CCL28: variants seen among roughly 807,000 people sequenced by gnomAD.
CCL28 encodes the protein C-C motif chemokine ligand 28.
Under a neutral mutation model 7.1 loss-of-function variants are expected in CCL28, and 4 were observed. The ratio of observed to expected loss-of-function variants is 0.56; its 90% CI spans 0.28 to 1.29. CCL28 has a LOEUF of 1.29. CCL28 is among the 50% of genes most tolerant of loss of function. The probability of loss-of-function intolerance (pLI) is 0.11; values close to 1 mark genes in which losing one functional copy is unlikely to be tolerated. For synonymous variants in CCL28, 55 were observed against 57.8 expected (o/e 0.95, Z 0.22); for missense variants, 151 against 163.4 (o/e 0.92, Z 0.41).
chr5:43,392,457 C>A (rs1457132837), intron 1 of CCL28, among the ~76,000 whole-genome samples: 1 of 152,134 alleles, frequency 6.6e-6, no homozygotes, highest in Non-Finnish European at 1.5e-5. Flanking sequence ...GATGTTGATA[C>A]TGCTAGTCCT....
intron 1 of CCL28, among the ~76,000 whole-genome samples, chr5:43,409,228 C>T (rs986328563): frequency 6.6e-6 from 1 of 152,118 alleles, no homozygotes; most frequent in Admixed American, 6.6e-5. Flanking sequence ...GAGTTTGAGA[C>T]CAGCCTGGCC....
At chr5:43,365,696 T>C in the CCL28 span, among the ~76,000 whole-genome samples, 2 of 152,218 alleles carry the variant, frequency 1.3e-5, no homozygotes, top group African/African-American at 4.8e-5. Flanking sequence ...TGAACTTGAA[T>C]GTTGTCCTGT....
At position 43,381,666 on chromosome 5, in the gene CCL28, A is replaced by C; in HGVS notation, c.*194T>G. 1.8e-6 allele frequency: 1 copy of C among 544,206 alleles called. No homozygotes were observed. Among genetic ancestry groups the C allele is most frequent in the Non-Finnish European group, 3.2e-6 (1 of 308,126 alleles). 33.7% of individuals were successfully genotyped at this position (544,206 alleles called of 1,614,324 possible). On this transcript the variant is annotated 3_prime_UTR_variant, in exon 3 of 3. Transcript: ENST00000361115. ...TGAACCACCATACCCAGCCAGTATT[A>C]TCTTTTCATTTCATTTTCCAGTTGA...
intron 1 of CCL28, among the ~76,000 whole-genome samples, chr5:43,394,781 C>T (rs1238571340): frequency 6.6e-6 from 1 of 152,092 alleles, no homozygotes; most frequent in African/African-American, 2.4e-5. Context: ...CTTTTAAAAT[C>T]TGTTACTTTG....
At chr5:43,363,694 C>T in the CCL28 span, among the ~76,000 whole-genome samples, 3 of 152,232 alleles carry the variant, frequency 2.0e-5, no homozygotes, top group African/African-American at 7.2e-5. Context: ...GGGGTTTACC[C>T]TGACAGGTTT....
chr5:43,399,529 G>A (rs374525791), intron 1 of CCL28, among the ~76,000 whole-genome samples: 3 of 152,178 alleles, frequency 2.0e-5, no homozygotes, highest in African/African-American at 7.2e-5. Flanking sequence ...TCTGGTATTA[G>A]TGCTAAAAAA....
chr5:43,412,201 G>C, intron 1 of CCL28, 52 bp downstream of exon 1: 1 of 1,471,416 alleles, frequency 6.8e-7, no homozygotes, highest in South Asian at 1.2e-5. Context: ...CACAGATTTG[G>C]GAGATACCCC....
intron 1 of CCL28, among the ~76,000 whole-genome samples, chr5:43,408,494 T>TG (rs1741395004): frequency 2.0e-5 from 3 of 151,848 alleles, no homozygotes; most frequent in Admixed American, 2.0e-4. Context: ...TGTCGTAAGG[T>TG]GGGGGGAGCG....
At chr5:43,396,862 A>T (rs1393697185) in intron 1 of CCL28, among the ~76,000 whole-genome samples, 1 of 152,198 alleles carries the variant, frequency 6.6e-6, no homozygotes, top group Non-Finnish European at 1.5e-5. Context: ...GTGGACCAGG[A>T]GAGACTGAAG....
downstream of CCL28, among the ~76,000 whole-genome samples, chr5:43,373,164 CAT>C (rs1340484447): frequency 1.3e-5 from 2 of 152,146 alleles, no homozygotes. Flanking sequence ...TTAATACCCA[CAT>C]GTGGAATTTC....
At chr5:43,411,949 G>A (rs999656509) in intron 1 of CCL28, among the ~76,000 whole-genome samples, 6 of 152,196 alleles carry the variant, frequency 3.9e-5, no homozygotes, top group African/African-American at 1.2e-4. Context: ...CCTCTAGCTG[G>A]GGATTTTCTA....
chr5:43,408,586 T>C (rs1216886282), intron 1 of CCL28, among the ~76,000 whole-genome samples: 1 of 152,136 alleles, frequency 6.6e-6, no homozygotes, highest in Non-Finnish European at 1.5e-5. Flanking sequence ...CATGTATACA[T>C]ATGTAACAAA....
the CCL28 span, among the ~76,000 whole-genome samples, chr5:43,361,643 T>G: frequency 6.6e-6 from 1 of 152,196 alleles, no homozygotes; most frequent in Non-Finnish European, 1.5e-5. Context: ...TAAGTCTTAA[T>G]CCATCTTGAG....
the CCL28 span, among the ~76,000 whole-genome samples, chr5:43,367,787 C>T: frequency 2.0e-5 from 3 of 152,140 alleles, no homozygotes; most frequent in Middle Eastern, 3.2e-3. Flanking sequence ...TTGCTGGGAG[C>T]TGCAGGCCCT....
At chr5:43,412,084 G>A (rs569049578) in intron 1 of CCL28, among the ~76,000 whole-genome samples, 169 bp downstream of exon 1, 3 of 152,330 alleles carry the variant, frequency 2.0e-5, no homozygotes, top group Non-Finnish European at 2.9e-5. Flanking sequence ...AAACTTCTGG[G>A]AGATCTAGAA....
the CCL28 span, among the ~76,000 whole-genome samples, chr5:43,358,607 T>A: frequency 5.1e-4 from 78 of 152,128 alleles, no homozygotes; most frequent in Non-Finnish European, 8.5e-4. Context: ...ACCATTGGTC[T>A]TCAATAAATT....
At chr5:43,406,917 T>A (rs1052115131) in intron 1 of CCL28, among the ~76,000 whole-genome samples, 5 of 152,108 alleles carry the variant, frequency 3.3e-5, no homozygotes, top group Non-Finnish European at 4.4e-5. Flanking sequence ...CAAAATACCT[T>A]GAAATCCAAC....
At chr5:43,371,786 G>A (rs922625379), downstream of CCL28, among the ~76,000 whole-genome samples, 2 of 152,226 alleles carry the variant, frequency 1.3e-5, no homozygotes, top group Non-Finnish European at 2.9e-5. Flanking sequence ...AAGTTTTGGG[G>A]TAACTTATTA....
the CCL28 span, among the ~76,000 whole-genome samples, chr5:43,367,934 C>T: frequency 6.6e-6 from 1 of 152,200 alleles, no homozygotes; most frequent in Non-Finnish European, 1.5e-5. Flanking sequence ...ATCTTCAAGT[C>T]ACTACCCAGA....
Sources: allele counts gnomAD v4.1 joint callset (sites outside exome capture counted in the v4.1 genomes callset), GRCh38; gene constraint gnomAD v4.1.1; transcripts MANE v1.5; gene names NCBI Gene and HGNC (gene_info 2026-07-23, HGNC 2026-07-21).